The following NUGGC variants were observed in gnomAD, a reference collection of about 807,000 sequenced individuals.
NUGGC encodes nuclear GTPase, germinal center associated.
Under a neutral mutation model 92.6 loss-of-function variants are expected in NUGGC, and 58 were observed. The ratio of observed to expected loss-of-function variants is 0.63; its 90% CI spans 0.51 to 0.78. The LOEUF (loss-of-function observed/expected upper bound fraction) is 0.78. Among genes scored for constraint, NUGGC ranks in the 30% least tolerant of loss-of-function variants. The pLI, the probability that NUGGC is intolerant of heterozygous loss-of-function variation, is 0.00. For synonymous variants in NUGGC, 376 were observed against 366.4 expected, an observed-to-expected ratio of 1.03 and a Z score of -0.30; for missense variants, 925 against 964.6, an observed-to-expected ratio of 0.96 and a Z score of 0.54.
chr8:28,058,669 A>C (rs1256507340), intron 8 of NUGGC, among the ~76,000 whole-genome samples: 1 of 152,152 alleles, frequency 6.6e-6, no homozygotes, highest in Non-Finnish European at 1.5e-5. Flanking sequence ...ATGTTCAATA[A>C]ATGCTTATCA....
intron 3 of NUGGC, 33 bp downstream of exon 3, chr8:28,070,219 A>T (rs751196324): frequency 5.3e-6 from 8 of 1,522,916 alleles, no homozygotes; most frequent in Middle Eastern, 1.7e-4. Flanking sequence ...ACAGAACCGA[A>T]CCATGTTAAA....
At position 28,029,274 on chromosome 8, in the gene NUGGC, G is replaced by C. The variant is rs772441783; in HGVS notation, c.2146C>G (p.Gln716Glu). 2 of 1,604,984 alleles carry C rather than the reference G, an allele frequency of 1.2e-6. No homozygotes were observed. The change falls in exon 17 of 19, where the codon CAG (glutamine) becomes GAG (glutamate). Residue 716 changes from glutamine to glutamate, a missense_variant. By Grantham distance (29) the Gln-to-Glu change is conservative (BLOSUM62 2). Coordinates refer to ENST00000413272, the MANE Select transcript of NUGGC (RefSeq NM_001010906.2). The part of the protein sequence containing the change: ...AQERMQHQFQ[Q>E]LKTGIVEKVK... Reference sequence around the variant, plus strand: ...ATGTGGGCATAGAGTACCTTCAGCTGCTGAAACTGGTGCTGCATCCTTTCC... The same window carrying C: ...ATGTGGGCATAGAGTACCTTCAGCTCCTGAAACTGGTGCTGCATCCTTTCC...
At chr8:28,043,807 G>A (rs1809758862) in intron 12 of NUGGC, among the ~76,000 whole-genome samples, 1 of 152,192 alleles carries the variant, frequency 6.6e-6, no homozygotes, top group Non-Finnish European at 1.5e-5. Context: ...CTTGTGCTGG[G>A]CAAAGAGACA....
intron 7 of NUGGC, among the ~76,000 whole-genome samples, chr8:28,062,329 G>T (rs1810326803): frequency 6.6e-6 from 1 of 152,076 alleles, no homozygotes; most frequent in African/African-American, 2.4e-5. Flanking sequence ...GAAAAGCTTT[G>T]GGCTCTGGGC....
At chr8:28,029,872 A>G (rs1809369957) in intron 16 of NUGGC, among the ~76,000 whole-genome samples, 1 of 152,228 alleles carries the variant, frequency 6.6e-6, no homozygotes, top group Non-Finnish European at 1.5e-5. Flanking sequence ...ATGTTTAGAT[A>G]ATAACCAGCA....
Position 28,077,423 on chromosome 8 carries a change from C to T in NUGGC, c.-46-2967G>A, listed in dbSNP as rs1016398651. 8.6e-5 allele frequency among the ~76,000 whole-genome samples: 13 copies of T among 151,452 alleles called. No individual in the cohort carries two copies. In the East Asian group the frequency reaches 1.7e-3, roughly 20 times the overall value. On this transcript the variant is annotated intron_variant, in intron 1 of 18. Transcript: ENST00000413272. The stretch of plus-strand genomic sequence containing the variant: ...AAAAAAAAAAAAGAAAGAAAGTAGC[C>T]GGTTGTGGTGACACACACCTGTAGT...
At chr8:28,024,851 G>C (rs1206377410) in intron 18 of NUGGC, among the ~76,000 whole-genome samples, 1 of 152,156 alleles carries the variant, frequency 6.6e-6, no homozygotes, top group Admixed American at 6.5e-5. Context: ...TCCCAGCCCT[G>C]AATAACCACT....
intron 2 of NUGGC, among the ~76,000 whole-genome samples, chr8:28,072,256 G>T (rs937934055): frequency 6.6e-6 from 1 of 152,186 alleles, no homozygotes; most frequent in Non-Finnish European, 1.5e-5. Flanking sequence ...GCCCTGGCTC[G>T]GTTTGAGGAC....
At chr8:28,057,021 A>C (rs1156630187) in intron 9 of NUGGC, among the ~76,000 whole-genome samples, 2 of 152,220 alleles carry the variant, frequency 1.3e-5, no homozygotes, top group Non-Finnish European at 2.9e-5. Flanking sequence ...GGCAATAAAA[A>C]GTGAGCTCTT....
At chr8:28,069,351 T>C (rs1810527401) in intron 4 of NUGGC, among the ~76,000 whole-genome samples, 193 bp downstream of exon 4, 1 of 152,196 alleles carries the variant, frequency 6.6e-6, no homozygotes, top group Non-Finnish European at 1.5e-5. Flanking sequence ...ATTTGACATA[T>C]ATAAAGCACT....
intron 13 of NUGGC, among the ~76,000 whole-genome samples, chr8:28,037,155 C>A (rs1389620163): frequency 6.6e-6 from 1 of 152,206 alleles, no homozygotes; most frequent in Non-Finnish European, 1.5e-5. Flanking sequence ...CTCAGTTAGA[C>A]CCTGACACCT....
chr8:28,045,558 G>GT lies in NUGGC; in HGVS notation c.1414dup (p.Thr472AsnfsTer3). 6.2e-7 allele frequency: 1 copy of GT among 1,612,682 alleles called. No individual in the cohort carries two copies. The highest frequency in any genetic ancestry group is 8.5e-7 in the Non-Finnish European group (1 of 1,179,692). ...GTTTTGCGTGGAGTTGAAACTATCT[G>GT]TGAGGAGCAACAGGCCAAAGGCTTC... On this transcript the variant is annotated frameshift_variant, in exon 12 of 19. Transcript: ENST00000413272. LOFTEE classifies it high-confidence loss of function.
chr8:28,037,000 A>G (rs1021722006), intron 13 of NUGGC, among the ~76,000 whole-genome samples: 5 of 152,130 alleles, frequency 3.3e-5, no homozygotes, highest in African/African-American at 1.2e-4. Flanking sequence ...CAGAACCACT[A>G]TTGTCTACAG....
chr8:28,068,536 AC>A, intron 4 of NUGGC, 98 bp from the exon 5 acceptor site: 1 of 778,056 alleles, frequency 1.3e-6, no homozygotes, highest in South Asian at 1.7e-5. Context: ...AATCCCGGGC[AC>A]GTCACTACAA....
intron 12 of NUGGC, among the ~76,000 whole-genome samples, chr8:28,042,548 C>T (rs1336978568): frequency 6.6e-6 from 1 of 152,212 alleles, no homozygotes; most frequent in Non-Finnish European, 1.5e-5. Context: ...TTCCCTGAGT[C>T]CCCAGGTAGA....
intron 18 of NUGGC, among the ~76,000 whole-genome samples, chr8:28,024,814 A>G (rs1809215558): frequency 6.6e-6 from 1 of 152,240 alleles, no homozygotes; most frequent in East Asian, 1.9e-4. Flanking sequence ...TTCCCCCAGG[A>G]CCCAGCTTCA....
intron 13 of NUGGC, among the ~76,000 whole-genome samples, chr8:28,040,505 C>T (rs1809665998): frequency 6.6e-6 from 1 of 152,172 alleles, no homozygotes; most frequent in East Asian, 1.9e-4. Flanking sequence ...CAACCAAGAC[C>T]CTCAGATCCC....
chr8:28,038,996 G>A (rs1341471262), intron 13 of NUGGC, among the ~76,000 whole-genome samples: 1 of 152,058 alleles, frequency 6.6e-6, no homozygotes, highest in Admixed American at 6.6e-5. Context: ...CTGAATGCAC[G>A]CATGCGTACA....
intron 8 of NUGGC, among the ~76,000 whole-genome samples, chr8:28,059,770 C>T (rs1415552950): frequency 6.6e-6 from 1 of 152,128 alleles, no homozygotes; most frequent in Non-Finnish European, 1.5e-5. Flanking sequence ...ACCTGTAATC[C>T]CAGCACTTTG....
Sources: gnomAD v4.1 joint callset for allele counts (sites outside exome capture counted in the v4.1 genomes callset) on GRCh38, gnomAD v4.1.1 for gene constraint, MANE v1.5 for transcripts, NCBI Gene and HGNC (gene_info 2026-07-23, HGNC 2026-07-21) for gene names.